Variants in RTEL1 observed in about 807,000 individuals in gnomAD.
The protein encoded by RTEL1 is regulator of telomere elongation helicase 1, also known as regulator of telomere length.
RTEL1 carries 86 observed loss-of-function variants against 162.2 expected under a neutral mutation model. The observed-to-expected ratio is 0.53, with a 90% CI of 0.45 to 0.63. The LOEUF (loss-of-function observed/expected upper bound fraction) is 0.63. Ranked by LOEUF, RTEL1 falls within the 30% of genes least tolerant of loss-of-function variation. The pLI is 0.00. For synonymous variants in RTEL1, 958 were observed against 717.9 expected, an observed-to-expected ratio of 1.33 and a Z score of -5.35; for missense variants, 1,941 against 1,750.2, an observed-to-expected ratio of 1.11 and a Z score of -1.95.
At chr20:63,662,995 C>T in intron 6 of RTEL1, 106 bp downstream of exon 6, 3 of 1,100,048 alleles carry the variant, frequency 2.7e-6, no homozygotes, top group Admixed American at 1.7e-5. Flanking sequence ...GTGGGGCGGC[C>T]AGTGCGGCCA....
intron 2 of RTEL1, among the ~76,000 whole-genome samples, chr20:63,659,741 G>A (rs2089980231): frequency 6.6e-6 from 1 of 152,200 alleles, no homozygotes; most frequent in South Asian, 2.1e-4. Context: ...CAGGCGGGAC[G>A]AGAGACTGAG....
rs750602767 is a variant in RTEL1, at chr20:63,685,796, C to T, written c.1272C>T (p.His424=). 29 of 1,612,224 alleles carry T rather than the reference C, an allele frequency of 1.8e-5. No individual in the cohort carries two copies. The highest frequency in any genetic ancestry group is 2.2e-5 in the Non-Finnish European group (26 of 1,179,758). The change falls in exon 16 of 35, where the codon CAC becomes CAT. Residue 424 remains histidine, a synonymous_variant. Transcript: ENST00000360203. ...CCTGGTCCTGTCCCCTCCAGGTGCACATCCATCCTGATGCTGGTCACCGGA... is the reference window on the plus strand; with the variant it reads ...CCTGGTCCTGTCCCCTCCAGGTGCATATCCATCCTGATGCTGGTCACCGGA... ...GLGALQSYKV[H]IHPDAGHRRT... is the part of the protein sequence containing the mutation.
intron 7 of RTEL1, 80 bp from the exon 8 acceptor site, chr20:63,667,389 C>T (rs574187680): frequency 1.5e-5 from 17 of 1,126,292 alleles, no homozygotes; most frequent in Admixed American, 1.4e-4. Flanking sequence ...GGGCTCCTTC[C>T]GGGTCAGAAG....
intron 14 of RTEL1, 26 bp from the exon 15 acceptor site, chr20:63,685,497 G>A (rs753466456): frequency 7.5e-5 from 120 of 1,608,982 alleles, no homozygotes; most frequent in Non-Finnish European, 9.7e-5. Context: ...GGCTCCTGAC[G>A]GGGCTGCACT....
In RTEL1 at chr20:63,689,037, C is replaced by A; in HGVS notation, c.1801-18C>A. Reference sequence around the variant, plus strand: ...TGGGGGGGGGCTCCAGGCTCAGCCTCACCAACTTTCCTTCCAGACCATCAG... The same window carrying A: ...TGGGGGGGGGCTCCAGGCTCAGCCTAACCAACTTTCCTTCCAGACCATCAG... On this transcript the variant is annotated intron_variant, in intron 21 of 34. Coordinates refer to ENST00000360203, the MANE Select transcript of RTEL1 (RefSeq NM_001283009.2). 1 of 1,608,098 alleles carries A rather than the reference C, an allele frequency of 6.2e-7. No individual in the cohort carries two copies. The highest frequency in any genetic ancestry group is 1.7e-4 in the Middle Eastern group (1 of 6,050).
At chr20:63,685,330 G>A (rs749098089) in intron 14 of RTEL1, among the ~76,000 whole-genome samples, 193 bp from the exon 15 acceptor site, 3 of 152,168 alleles carry the variant, frequency 2.0e-5, no homozygotes, top group Non-Finnish European at 4.4e-5. Context: ...GAGCTCACCG[G>A]GGGTCCCTGC....
Position 63,690,328 on chromosome 20 carries a change from G to C in RTEL1, c.2300G>C (p.Ser767Thr). The C allele has an allele frequency of 1.9e-6, 3 of 1,610,394 alleles. No individual in the cohort carries two copies. ...CCGGCCCCCCGGGCTACAGCACCCA[G>C]TGTGCGTGGAGAAGATGCTGTCAGC... ...PAPAPRATAP[S>T]VRGEDAVSEA... Residue 767 changes from serine to threonine, a missense_variant, in exon 26 of 35, where the codon AGT (serine) becomes ACT (threonine). By Grantham distance (58) the Ser-to-Thr change is moderately conservative (BLOSUM62 1). Coordinates refer to ENST00000360203, the MANE Select transcript of RTEL1 (RefSeq NM_001283009.2).
chr20:63,680,728 T>TG lies in RTEL1; in HGVS notation c.1191+10dup, dbSNP rs2090462076. The TG allele has an allele frequency of 6.2e-7, 1 of 1,613,174 alleles. No homozygotes were observed. Among genetic ancestry groups the TG allele is most frequent in the African/African-American group, 1.3e-5 (1 of 74,948 alleles). ...TGGCGGACATTATCCAGGTGGGGCCTGCTCCTCTGTGGCATCTCCTTCCCT... is the reference window on the plus strand; with the variant it reads ...TGGCGGACATTATCCAGGTGGGGCCTGGCTCCTCTGTGGCATCTCCTTCCCT... On this transcript the variant is annotated intron_variant, in intron 14 of 34. Coordinates refer to ENST00000360203, the MANE Select transcript of RTEL1 (RefSeq NM_001283009.2).
Position 63,659,394 on chromosome 20 carries a change from C to T in RTEL1, c.-9C>T. 6 of 1,609,196 alleles carry T rather than the reference C, an allele frequency of 3.7e-6. No homozygotes were observed. Among genetic ancestry groups the T allele is most frequent in the Non-Finnish European group, 5.1e-6 (6 of 1,175,516 alleles). On this transcript the variant is annotated 5_prime_UTR_variant, in exon 2 of 35. Transcript: ENST00000360203. Reference sequence around the variant, plus strand: ...GCCACGCTCTGTGCCCTTCTGAGAACAGGCTGATATGCCCAAGATAGTCCT... The same window carrying T: ...GCCACGCTCTGTGCCCTTCTGAGAATAGGCTGATATGCCCAAGATAGTCCT...
chr20:63,694,983 C>T lies in RTEL1; in HGVS notation c.3343+9C>T, dbSNP rs776254998. On this transcript the variant is annotated intron_variant, in intron 32 of 34. Coordinates refer to ENST00000360203, the MANE Select transcript of RTEL1 (RefSeq NM_001283009.2). The stretch of plus-strand genomic sequence containing the variant: ...CTTCCCCCTGCTGCACAGCAAGTGG[C>T]CCTGGCGTGGGGAACAGCCGGTGGG... The T allele has an allele frequency of 4.3e-6, 7 of 1,611,786 alleles. No homozygotes were observed. In the South Asian group the frequency reaches 6.6e-5, roughly 15 times the overall value.
Position 63,695,751 on chromosome 20 carries a change from G to A in RTEL1, c.3823-27G>A, listed in dbSNP as rs111967860. 808 of 1,590,278 alleles carry A rather than the reference G, an allele frequency of 5.1e-4. 2 individuals carry two copies. In the African/African-American group the frequency reaches 5.6e-3, roughly 11 times the overall value. On this transcript the variant is annotated intron_variant, in intron 34 of 34. Coordinates refer to ENST00000360203, the MANE Select transcript of RTEL1 (RefSeq NM_001283009.2). Reference sequence around the variant, plus strand: ...GTCCTGGTGGCAACGCCTGGCAGACGTGTGCAGTGGGCCGGTTGTCTCACA... The same window carrying A: ...GTCCTGGTGGCAACGCCTGGCAGACATGTGCAGTGGGCCGGTTGTCTCACA...
At position 63,659,276 on chromosome 20, in the gene RTEL1, A is replaced by G; in HGVS notation, c.-127A>G. 1.4e-6 allele frequency: 1 copy of G among 691,916 alleles called. No individual in the cohort carries two copies. Among genetic ancestry groups the G allele is most frequent in the Non-Finnish European group, 2.7e-6 (1 of 374,478 alleles). The allele number at this position is 691,916 out of a possible 1,614,324, so 42.9% of individuals were successfully genotyped here. On this transcript the variant is annotated 5_prime_UTR_variant, in exon 2 of 35. Coordinates refer to ENST00000360203, the MANE Select transcript of RTEL1 (RefSeq NM_001283009.2). ...CTCGAAGAGAACAGCGTTGTGTCCCAGTGCACATGCTCGCATCGCTTACCA... is the reference window on the plus strand; with the variant it reads ...CTCGAAGAGAACAGCGTTGTGTCCCGGTGCACATGCTCGCATCGCTTACCA...
chr20:63,662,240 C>T (rs2090034575), intron 4 of RTEL1, among the ~76,000 whole-genome samples: 1 of 152,178 alleles, frequency 6.6e-6, no homozygotes, highest in Non-Finnish European at 1.5e-5. Flanking sequence ...GCCCCCAGTG[C>T]AGCTTTGCAC....
At chr20:63,673,050 T>TCACAC (rs2090277719) in intron 9 of RTEL1, among the ~76,000 whole-genome samples, 1 of 151,906 alleles carries the variant, frequency 6.6e-6, no homozygotes, top group Admixed American at 6.6e-5. Context: ...TGAGCCAGGA[T>TCACAC]CACACCACTG....
intron 8 of RTEL1, among the ~76,000 whole-genome samples, chr20:63,670,818 AAAAAAAAAAAAAAG>A (rs1439336065): frequency 2.1e-5 from 1 of 46,978 alleles, no homozygotes; most frequent in Admixed American, 2.1e-4. Flanking sequence ...CCCCATCTCA[AAAAAAAAAAAAAAG>A]AAAAAAGAAA....
At chr20:63,690,528 G>A (rs778496864) in intron 26 of RTEL1, 87 bp downstream of exon 26, 19 of 1,421,730 alleles carry the variant, frequency 1.3e-5, no homozygotes, top group Non-Finnish European at 1.8e-5. Context: ...CAGGGCGGAG[G>A]CGACTCACCT....
rs781633180 is a variant in RTEL1, at chr20:63,688,359, C to T, written c.1695C>T (p.Val565=). The T allele has an allele frequency of 3.7e-6, 6 of 1,612,690 alleles. No individual in the cohort carries two copies. Among genetic ancestry groups the T allele is most frequent in the Non-Finnish European group, 5.1e-6 (6 of 1,179,976 alleles). ...TGATCTTCTTCCCTTCCTATCCTGT[C>T]ATGGAGAAGAGCCTGGAGTTCTGGC... ...GLLIFFPSYP[V]MEKSLEFWRA... The change falls in exon 20 of 35, where the codon GTC becomes GTT. Residue 565 remains valine (V), a synonymous_variant. Transcript: ENST00000360203.
At position 63,661,974 on chromosome 20, in the gene RTEL1, G is replaced by T. The variant is rs779253707; in HGVS notation, c.395+31G>T. The T allele has an allele frequency of 1.3e-6, 2 of 1,544,262 alleles. No individual in the cohort carries two copies. Among genetic ancestry groups the T allele is most frequent in the East Asian group, 2.2e-5 (1 of 44,544 alleles). ...TCAGACGAGTTTACACCTGTCTCGG[G>T]GTCCTCAAGAGAACCAGCTTGGCAT... On this transcript the variant is annotated intron_variant, in intron 4 of 34. Coordinates refer to ENST00000360203, the MANE Select transcript of RTEL1 (RefSeq NM_001283009.2). This position sits in a 1 kb window ranked among gnomAD's most constrained non-coding sequence, Gnocchi z 5.1.
intron 30 of RTEL1, 78 bp from the exon 31 acceptor site, chr20:63,694,294 A>G: frequency 8.9e-7 from 1 of 1,124,870 alleles, no homozygotes; most frequent in Non-Finnish European, 1.3e-6. Flanking sequence ...TGGCCTCCCT[A>G]GCCAGCCCTG....
Sources: allele counts gnomAD v4.1 joint callset (sites outside exome capture counted in the v4.1 genomes callset), GRCh38; gene constraint gnomAD v4.1.1; non-coding constraint Gnocchi (gnomAD v3.1); transcripts MANE v1.5; gene names NCBI Gene and HGNC (gene_info 2026-07-23, HGNC 2026-07-21).